Variants in ASAP1 observed in about 807,000 individuals in gnomAD.
ASAP1 encodes arf-GAP with SH3 domain, ANK repeat and PH domain-containing protein 1.
Under a neutral mutation model 145.2 loss-of-function variants are expected in ASAP1, and 43 were observed. The observed-to-expected ratio is 0.30, with a 90% CI of 0.23 to 0.38. The LOEUF (loss-of-function observed/expected upper bound fraction) is 0.38. Among genes scored for constraint, ASAP1 ranks in the 10% least tolerant of loss-of-function variants. The pLI is 1.00. For synonymous variants in ASAP1, 546 were observed against 515.5 expected (o/e 1.06, Z -0.80); for missense variants, 1,018 against 1,355.3 (o/e 0.75, Z 3.91).
At chr8:130,157,569 T>C (rs1449173926) in intron 12 of ASAP1, among the ~76,000 whole-genome samples, 2 of 152,274 alleles carry the variant, frequency 1.3e-5, no homozygotes, top group East Asian at 1.9e-4. Context: ...TGTTGGATTA[T>C]GTCACTCTTG....
At chr8:130,360,003 G>C (rs1446006502) in intron 2 of ASAP1, among the ~76,000 whole-genome samples, 1 of 152,220 alleles carries the variant, frequency 6.6e-6, no homozygotes, top group African/African-American at 2.4e-5. Context: ...CAGGGATCTT[G>C]TCTTAGCCTT....
intron 27 of ASAP1, among the ~76,000 whole-genome samples, chr8:130,072,692 A>T (rs1490249301): frequency 6.6e-6 from 1 of 151,784 alleles, no homozygotes; most frequent in African/African-American, 2.4e-5. Flanking sequence ...GAGTTCTGTG[A>T]GCTGCTACAG....
intron 3 of ASAP1, among the ~76,000 whole-genome samples, chr8:130,309,551 C>A (rs373163371): frequency 1.9e-4 from 29 of 152,292 alleles, no homozygotes; most frequent in African/African-American, 6.7e-4. Flanking sequence ...TGAGGCAAGA[C>A]AGAGGCGTGA....
intron 11 of ASAP1, among the ~76,000 whole-genome samples, chr8:130,166,660 G>C (rs1473977404): frequency 6.6e-6 from 1 of 152,050 alleles, no homozygotes; most frequent in Non-Finnish European, 1.5e-5. Context: ...TGAGCTACTA[G>C]ATGAAAGGGA....
At chr8:130,076,797 G>C (rs1001613581) in intron 26 of ASAP1, among the ~76,000 whole-genome samples, 9 of 152,294 alleles carry the variant, frequency 5.9e-5, no homozygotes, top group Admixed American at 3.3e-4. Context: ...TGGGATTACA[G>C]GCATGAGCCA....
chr8:130,429,786 T>C (rs1393720729), intron 1 of ASAP1, among the ~76,000 whole-genome samples: 1 of 152,224 alleles, frequency 6.6e-6, no homozygotes, highest in South Asian at 2.1e-4. Flanking sequence ...ACACGTTCTG[T>C]CCATTAAGAT....
At chr8:130,326,058 T>C (rs1375295850) in intron 3 of ASAP1, among the ~76,000 whole-genome samples, 1 of 152,180 alleles carries the variant, frequency 6.6e-6, no homozygotes, top group Non-Finnish European at 1.5e-5. Flanking sequence ...CCTAGGTCTT[T>C]TTGACTCCAC....
chr8:130,391,020 TAGAAGCAAAC>T (rs1254667869), intron 2 of ASAP1, among the ~76,000 whole-genome samples: 1 of 148,410 alleles, frequency 6.7e-6, no homozygotes. Flanking sequence ...AACCAAAAGG[TAGAAGCAAAC>T]ACGTATTCAT....
chr8:130,275,571 G>A, intron 3 of ASAP1, among the ~76,000 whole-genome samples: 1 of 151,886 alleles, frequency 6.6e-6, no homozygotes, highest in Non-Finnish European at 1.5e-5. Flanking sequence ...GTTTTAAAGG[G>A]GCCTTATCAA....
At chr8:130,109,688 A>G (rs1297431394) in intron 24 of ASAP1, among the ~76,000 whole-genome samples, 2 of 152,234 alleles carry the variant, frequency 1.3e-5, no homozygotes, top group Non-Finnish European at 2.9e-5. Context: ...GAGAAGAATT[A>G]TCTCTGCACA....
At chr8:130,278,106 T>C (rs561273874) in intron 3 of ASAP1, among the ~76,000 whole-genome samples, 1 of 151,170 alleles carries the variant, frequency 6.6e-6, no homozygotes, top group East Asian at 1.9e-4. Flanking sequence ...CTTATAAAAG[T>C]TATGTAAATT....
chr8:130,177,165 A>G (rs1447734773), intron 9 of ASAP1, among the ~76,000 whole-genome samples: 1 of 152,368 alleles, frequency 6.6e-6, no homozygotes. Context: ...AGACTAATAC[A>G]TATTTGTGGA....
intron 28 of ASAP1, among the ~76,000 whole-genome samples, chr8:130,060,075 C>CAAAAAAAAA (rs55875346): frequency 4.2e-5 from 4 of 95,916 alleles, no homozygotes; most frequent in African/African-American, 1.6e-4. Flanking sequence ...GAGCCCTTCT[C>CAAAAAAAAA]AAAAAAAAAA....
chr8:130,342,929 C>G (rs2137938130), intron 3 of ASAP1, among the ~76,000 whole-genome samples: 1 of 152,252 alleles, frequency 6.6e-6, no homozygotes, highest in African/African-American at 2.4e-5. Flanking sequence ...TGGGAAGCAA[C>G]CAAACTAATT....
chr8:130,162,760 G>A (rs1219562676), intron 11 of ASAP1, among the ~76,000 whole-genome samples: 1 of 151,380 alleles, frequency 6.6e-6, no homozygotes, highest in Non-Finnish European at 1.5e-5. Flanking sequence ...GGGGCTTGCA[G>A]TGAACCGAGA....
chr8:130,164,636 G>A (rs2097676305), intron 11 of ASAP1, among the ~76,000 whole-genome samples: 1 of 152,078 alleles, frequency 6.6e-6, no homozygotes, highest in African/African-American at 2.4e-5. Flanking sequence ...CAGTTATATA[G>A]CAAATAGTTC....
chr8:130,148,377 AC>A (rs1222732439), intron 13 of ASAP1, among the ~76,000 whole-genome samples: 1 of 152,246 alleles, frequency 6.6e-6, no homozygotes, highest in Non-Finnish European at 1.5e-5. Flanking sequence ...TTCACTGAGC[AC>A]TAAGTACACG....
chr8:130,313,550 G>C (rs1030027482), intron 3 of ASAP1, among the ~76,000 whole-genome samples: 6 of 152,174 alleles, frequency 3.9e-5, no homozygotes, highest in African/African-American at 2.4e-5. Flanking sequence ...TCAAATTACA[G>C]TTATATTGCC....
chr8:130,349,741 G>C (rs1184676028), intron 3 of ASAP1, among the ~76,000 whole-genome samples: 2 of 152,216 alleles, frequency 1.3e-5, no homozygotes, highest in African/African-American at 4.8e-5. Context: ...GAGCTGAGTA[G>C]TCAGACCTTG....
Sources: gnomAD v4.1 joint callset for allele counts (sites outside exome capture counted in the v4.1 genomes callset) on GRCh38, gnomAD v4.1.1 for gene constraint, MANE v1.5 for transcripts, NCBI Gene and HGNC (gene_info 2026-07-23, HGNC 2026-07-21) for gene names.